The following DNAH8 variants were observed in gnomAD, a reference collection of about 807,000 sequenced individuals.
DNAH8 encodes the protein axonemal beta dynein heavy chain 8.
Under a neutral mutation model 562.1 loss-of-function variants are expected in DNAH8, and 382 were observed. That is an observed-to-expected ratio of 0.68 (90% CI 0.63 to 0.74). The LOEUF (loss-of-function observed/expected upper bound fraction) is 0.74. Among genes scored for constraint, DNAH8 ranks in the 30% least tolerant of loss-of-function variants. DNAH8 has a pLI of 0.00. For missense variants in DNAH8, 5,203 were observed against 5,620.4 expected (o/e 0.93, Z 2.37); for synonymous variants, 1,881 against 1,919.4 (o/e 0.98, Z 0.52).
intron 88 of DNAH8, 75 bp downstream of exon 88, chr6:38,990,247 C>G (rs1195343227): frequency 3.3e-6 from 3 of 911,206 alleles, no homozygotes; most frequent in Non-Finnish European, 1.7e-6. Flanking sequence ...ATTTCATTTT[C>G]TCTCCTAATC....
At position 38,848,876 on chromosome 6, in the gene DNAH8, C is replaced by G. The variant is rs906054538; in HGVS notation, c.5199+75C>G. The G allele has an allele frequency of 3.5e-6, 5 of 1,430,444 alleles. No homozygotes were observed. The African/African-American group carries it at 7.1e-5, about 20-fold the overall frequency. 88.6% of individuals were successfully genotyped at this position (1,430,444 alleles called of 1,614,324 possible). On this transcript the variant is annotated intron_variant, in intron 37 of 92. Transcript: ENST00000327475. ...CTATATGTCTCTGTAAAAGTCTTCA[C>G]AAAGACATATGGTCAAGGCTTGACT...
intron 82 of DNAH8, among the ~76,000 whole-genome samples, chr6:38,968,685 A>G (rs1763138348): frequency 6.6e-6 from 1 of 152,198 alleles, no homozygotes; most frequent in African/African-American, 2.4e-5. Flanking sequence ...TTGCCAACGG[A>G]AATGTAAAAT....
intron 87 of DNAH8, 54 bp downstream of exon 87, chr6:38,984,361 A>G (rs756290627): frequency 2.2e-5 from 27 of 1,229,006 alleles, no homozygotes; most frequent in Admixed American, 2.0e-4. Context: ...GTATTTTCCA[A>G]TTTTTTTGTT....
intron 23 of DNAH8, 137 bp from the exon 24 acceptor site, chr6:38,807,473 C>A: frequency 2.4e-6 from 1 of 421,042 alleles, no homozygotes. Flanking sequence ...GAATTTATTT[C>A]TACAATATCA....
chr6:38,873,489 T>A, intron 52 of DNAH8, 113 bp downstream of exon 52: 1 of 887,718 alleles, frequency 1.1e-6, no homozygotes, highest in African/African-American at 1.7e-5. Context: ...AATCATTTGA[T>A]GATGTGGCTG....
At chr6:38,752,700 A>G (rs1380088356) in intron 9 of DNAH8, among the ~76,000 whole-genome samples, 1 of 152,104 alleles carries the variant, frequency 6.6e-6, no homozygotes, top group Non-Finnish European at 1.5e-5. Flanking sequence ...TAATCTTTCC[A>G]AGAGAGTGTT....
At chr6:38,899,424 A>G (rs143044435) in intron 61 of DNAH8, among the ~76,000 whole-genome samples, 13 of 152,366 alleles carry the variant, frequency 8.5e-5, no homozygotes, top group South Asian at 2.1e-4. Context: ...AACATTTCTT[A>G]TATCTTCTGC....
At chr6:38,795,475 G>C (rs1399083334) in intron 21 of DNAH8, among the ~76,000 whole-genome samples, 1 of 151,840 alleles carries the variant, frequency 6.6e-6, no homozygotes, top group African/African-American at 2.4e-5. Context: ...AGCTACTTGG[G>C]AGGCTGAGGC....
In DNAH8 at chr6:38,812,997, A is replaced by G. The variant is rs140530344; in HGVS notation, c.3258-1057A>G. Reference sequence around the variant, plus strand: ...TGGCTGGCATACATTAAAACATTCAATAAATGTTACTTATTCTTACCTTTT... The same window carrying G: ...TGGCTGGCATACATTAAAACATTCAGTAAATGTTACTTATTCTTACCTTTT... On this transcript the variant is annotated intron_variant, in intron 24 of 92. Transcript: ENST00000327475. Among the ~76,000 whole-genome samples the G allele has an allele frequency of 4.2e-3, 636 of 152,314 alleles. 4 individuals are homozygous for G. Among genetic ancestry groups the G allele is most frequent in the African/African-American group, 0.014 (601 of 41,578 alleles).
In DNAH8 at chr6:38,890,737, T is replaced by C; in HGVS notation, c.8559T>C (p.Gly2853=). ...CEMIVNLVSV[G]RVLWQWTKVK... ...TGATTGTGAATTTAGTCTCAGTGGG[T>C]AGAGTGCTGTGGCAATGGACTAAGG... The change falls in exon 58 of 93, where the codon GGT becomes GGC. Residue 2853 remains glycine (G), a synonymous_variant. Coordinates refer to ENST00000327475, the MANE Select transcript of DNAH8 (RefSeq NM_001206927.2). 6.2e-7 allele frequency: 1 copy of C among 1,613,400 alleles called. No individual in the cohort carries two copies. The highest frequency in any genetic ancestry group is 1.1e-5 in the South Asian group (1 of 91,058).
intron 42 of DNAH8, among the ~76,000 whole-genome samples, chr6:38,858,147 G>C (rs1287720996): frequency 6.6e-6 from 1 of 152,178 alleles, no homozygotes; most frequent in African/African-American, 2.4e-5. Flanking sequence ...AGTTCTGTAG[G>C]GTGGGACTAA....
At chr6:38,738,086 A>T in intron 7 of DNAH8, 114 bp downstream of exon 7, 1 of 1,148,316 alleles carries the variant, frequency 8.7e-7, no homozygotes, top group Non-Finnish European at 1.2e-6. Flanking sequence ...TTTCTTCCAG[A>T]ATCTAGTTTG....
chr6:38,824,935 G>A (rs1321089126), intron 28 of DNAH8, among the ~76,000 whole-genome samples: 1 of 152,116 alleles, frequency 6.6e-6, no homozygotes, highest in Non-Finnish European at 1.5e-5. Flanking sequence ...ATAATTACAA[G>A]AACTTCTGTA....
chr6:38,758,071 A>T (rs950839087), intron 10 of DNAH8, among the ~76,000 whole-genome samples: 6 of 152,196 alleles, frequency 3.9e-5, no homozygotes, highest in Non-Finnish European at 7.3e-5. Flanking sequence ...GAAGAAAGTC[A>T]TAGGTAGCTT....
At chr6:38,873,436 A>G (rs920167083) in intron 52 of DNAH8, 60 bp downstream of exon 52, 7 of 1,430,812 alleles carry the variant, frequency 4.9e-6, no homozygotes, top group African/African-American at 1.4e-5. Flanking sequence ...ACTCAGTTGC[A>G]GTTTACAGCC....
intron 11 of DNAH8, chr6:38,763,385 C>A: frequency 3.7e-6 from 1 of 266,702 alleles, no homozygotes; most frequent in Middle Eastern, 1.3e-3. Flanking sequence ...GAAAAAAAAG[C>A]AGAATATTGT....
intron 82 of DNAH8, among the ~76,000 whole-genome samples, chr6:38,953,339 G>T (rs1762043548): frequency 1.3e-5 from 2 of 152,158 alleles, no homozygotes; most frequent in Non-Finnish European, 2.9e-5. Context: ...TATTCAACTA[G>T]AGTTACCATT....
chr6:38,984,567 C>T (rs968941402), intron 87 of DNAH8, among the ~76,000 whole-genome samples: 5 of 151,896 alleles, frequency 3.3e-5, no homozygotes, highest in South Asian at 2.1e-4. Flanking sequence ...CTGAGGCGGG[C>T]GGATCACGAG....
intron 1 of DNAH8, among the ~76,000 whole-genome samples, chr6:38,720,674 C>A: frequency 6.6e-6 from 1 of 152,184 alleles, no homozygotes; most frequent in Admixed American, 6.5e-5. Context: ...TCCTTCAACA[C>A]AAAGACATAC....
Sources: allele counts gnomAD v4.1 joint callset (sites outside exome capture counted in the v4.1 genomes callset), GRCh38; gene constraint gnomAD v4.1.1; transcripts MANE v1.5; gene names NCBI Gene and HGNC (gene_info 2026-07-23, HGNC 2026-07-21).